CADM2: variants seen among roughly 807,000 people sequenced by gnomAD.
CADM2 encodes the protein cell adhesion molecule 2.
Under a neutral mutation model 49.8 loss-of-function variants are expected in CADM2, and 12 were observed. That is an observed-to-expected ratio of 0.24 (90% CI 0.15 to 0.39). The LOEUF is 0.39. Ranked by LOEUF, CADM2 falls within the 10% of genes least tolerant of loss-of-function variation. The probability of loss-of-function intolerance (pLI) is 1.00; values close to 1 mark genes in which losing one functional copy is unlikely to be tolerated. For missense variants in CADM2, 378 were observed against 492.3 expected, an observed-to-expected ratio of 0.77 and a Z score of 2.20; for synonymous variants, 214 against 175.4, an observed-to-expected ratio of 1.22 and a Z score of -1.74.
chr3:85,110,291 G>A lies in CADM2; in HGVS notation c.61+150623G>A, dbSNP rs187202411. 2.4e-3 allele frequency among the ~76,000 whole-genome samples: 360 copies of A among 151,728 alleles called. 1 individual carries two copies. Among genetic ancestry groups the A allele is most frequent in the African/African-American group, 8.4e-3 (347 of 41,476 alleles). ...GAGAGAGAATAAGAGAGAAACTGTGGGGGGCAGATTTTATTTCTATCATTT... is the reference window on the plus strand; with the variant it reads ...GAGAGAGAATAAGAGAGAAACTGTGAGGGGCAGATTTTATTTCTATCATTT... On this transcript the variant is annotated intron_variant, in intron 1 of 9. Transcript: ENST00000383699.
intron 1 of CADM2, among the ~76,000 whole-genome samples, chr3:85,512,377 G>A (rs906341083): frequency 6.6e-6 from 1 of 152,032 alleles, no homozygotes; most frequent in Admixed American, 6.6e-5. Context: ...ATAGTATTCC[G>A]TGGTGTATGT....
At chr3:85,925,266 T>A (rs891523027) in intron 6 of CADM2, among the ~76,000 whole-genome samples, 3 of 152,168 alleles carry the variant, frequency 2.0e-5, no homozygotes, top group African/African-American at 7.2e-5. Flanking sequence ...TATATTCCGA[T>A]GGGTTGCTAT....
intron 1 of CADM2, among the ~76,000 whole-genome samples, chr3:85,588,438 A>G (rs1182378513): frequency 2.6e-5 from 4 of 152,058 alleles, no homozygotes; most frequent in African/African-American, 9.7e-5. Flanking sequence ...AATGCAAGCA[A>G]GCAGCAATAA....
intron 1 of CADM2, among the ~76,000 whole-genome samples, chr3:85,601,743 ATTCT>A (rs1307199265): frequency 6.6e-6 from 1 of 151,248 alleles, no homozygotes; most frequent in African/African-American, 2.4e-5. Context: ...CTCTTTTGGA[ATTCT>A]TTCTTTGTGT....
At chr3:85,752,073 A>G (rs193177643) in intron 2 of CADM2, among the ~76,000 whole-genome samples, 179 of 147,962 alleles carry the variant, frequency 1.2e-3, no homozygotes, top group African/African-American at 4.5e-3. Context: ...AGTGTATAGG[A>G]AAAGAAACAG....
At chr3:86,003,888 C>T (rs529644270) in intron 8 of CADM2, among the ~76,000 whole-genome samples, 4 of 152,208 alleles carry the variant, frequency 2.6e-5, no homozygotes, top group East Asian at 3.9e-4. Context: ...GAAAAAATTG[C>T]GGACCCAGTG....
chr3:85,513,572 C>G (rs1431245736), intron 1 of CADM2, among the ~76,000 whole-genome samples: 2 of 151,820 alleles, frequency 1.3e-5, no homozygotes, highest in Non-Finnish European at 1.5e-5. Context: ...ATAAAAACCT[C>G]AACAGCAAAA....
intron 1 of CADM2, among the ~76,000 whole-genome samples, chr3:85,502,881 A>G (rs2040175095): frequency 3.3e-5 from 5 of 152,132 alleles, no homozygotes; most frequent in South Asian, 4.1e-4. Flanking sequence ...TATTTCTTCT[A>G]TTCCCTCATG....
At chr3:84,987,305 G>C (rs2032630327) in intron 1 of CADM2, among the ~76,000 whole-genome samples, 1 of 151,938 alleles carries the variant, frequency 6.6e-6, no homozygotes, top group South Asian at 2.1e-4. Flanking sequence ...GACTACACAA[G>C]GAACTCTTCC....
chr3:86,005,556 A>AT (rs1491202573), intron 8 of CADM2, among the ~76,000 whole-genome samples: 2 of 45,464 alleles, frequency 4.4e-5, no homozygotes, highest in African/African-American at 2.0e-4. Context: ...CGTCTCATAT[A>AT]AAAAAAAAAA....
At chr3:85,635,569 C>A (rs982109590) in intron 1 of CADM2, among the ~76,000 whole-genome samples, 4 of 151,992 alleles carry the variant, frequency 2.6e-5, no homozygotes, top group African/African-American at 4.8e-5. Flanking sequence ...AAGAAAAAAT[C>A]TTTGAATTAA....
chr3:85,824,099 C>T (rs577414881), intron 3 of CADM2, among the ~76,000 whole-genome samples: 8 of 152,202 alleles, frequency 5.3e-5, no homozygotes, highest in Non-Finnish European at 7.4e-5. Context: ...CCAATCAAAA[C>T]GTACTGGAGA....
chr3:85,866,197 C>T (rs1195802039), intron 3 of CADM2, among the ~76,000 whole-genome samples: 1 of 152,088 alleles, frequency 6.6e-6, no homozygotes, highest in Admixed American at 6.6e-5. Context: ...TGCTTGCCTA[C>T]CAGTAATTAC....
At chr3:85,869,246 T>A (rs2075830599) in intron 3 of CADM2, among the ~76,000 whole-genome samples, 2 of 152,190 alleles carry the variant, frequency 1.3e-5, no homozygotes, top group African/African-American at 4.8e-5. Flanking sequence ...ACTCACTTTT[T>A]TTTGGCTGAA....
chr3:85,307,925 T>C (rs1166854661), intron 1 of CADM2, among the ~76,000 whole-genome samples: 5 of 147,472 alleles, frequency 3.4e-5, no homozygotes, highest in Non-Finnish European at 7.4e-5. Flanking sequence ...TCCAAAACTG[T>C]ACCCCCAGAA....
At chr3:85,582,712 T>A (rs991744332) in intron 1 of CADM2, among the ~76,000 whole-genome samples, 1 of 152,058 alleles carries the variant, frequency 6.6e-6, no homozygotes, top group East Asian at 1.9e-4. Flanking sequence ...TACCATCACA[T>A]TGGGAACTGG....
intron 5 of CADM2, among the ~76,000 whole-genome samples, chr3:85,890,010 A>G (rs955601243): frequency 1.3e-5 from 2 of 152,158 alleles, no homozygotes; most frequent in African/African-American, 4.8e-5. Context: ...TAAACAATGT[A>G]TAAACCAAAC....
intron 1 of CADM2, among the ~76,000 whole-genome samples, chr3:85,406,634 A>G (rs568533685): frequency 6.6e-6 from 1 of 152,134 alleles, no homozygotes; most frequent in East Asian, 1.9e-4. Context: ...TCCAAATCTG[A>G]TCTTCCTCCA....
intron 1 of CADM2, among the ~76,000 whole-genome samples, chr3:85,440,502 C>T (rs554266259): frequency 2.0e-5 from 3 of 152,194 alleles, no homozygotes; most frequent in East Asian, 1.9e-4. Context: ...AAATACACTA[C>T]GAGGTTGGAG....
Sources: gnomAD v4.1 joint callset for allele counts (sites outside exome capture counted in the v4.1 genomes callset) on GRCh38, gnomAD v4.1.1 for gene constraint, MANE v1.5 for transcripts, NCBI Gene and HGNC (gene_info 2026-07-23, HGNC 2026-07-21) for gene names.